The following PXDN variants were observed in gnomAD, a reference collection of about 807,000 sequenced individuals.
PXDN encodes the protein peroxidasin homolog.
PXDN carries 77 observed loss-of-function variants against 140.3 expected under a neutral mutation model. The observed-to-expected ratio is 0.55, with a 90% CI of 0.46 to 0.66. The LOEUF (loss-of-function observed/expected upper bound fraction) is 0.66, where lower values mean the gene tolerates loss of function less well. Among genes scored for constraint, PXDN ranks in the 30% least tolerant of loss-of-function variants. The pLI is 0.00. For missense variants in PXDN, 1,838 were observed against 2,039.5 expected (o/e 0.90, Z 1.90); for synonymous variants, 911 against 857.4 (o/e 1.06, Z -1.09).
At chr2:1,677,626 C>A (rs972187513) in intron 7 of PXDN, among the ~76,000 whole-genome samples, 48 of 151,154 alleles carry the variant, frequency 3.2e-4, no homozygotes, top group Non-Finnish European at 1.3e-4. Context: ...GAGGGCCACC[C>A]GAGGGCTGAC....
intron 1 of PXDN, among the ~76,000 whole-genome samples, chr2:1,709,768 CCTT>C (rs1168984267): frequency 1.3e-5 from 2 of 152,182 alleles, no homozygotes; most frequent in Non-Finnish European, 2.9e-5. Flanking sequence ...AGATTCGTGT[CCTT>C]CTAGGAAGAG....
Position 1,732,404 on chromosome 2 carries a change from T to C in PXDN, c.200+11852A>G, listed in dbSNP as rs556049864. ...AAGAGCCACCCAAATGGAGTAGGGA[T>C]CACAGGGTCACACACACACGGGGCC... is the stretch of plus-strand genomic sequence containing the variant. On this transcript the variant is annotated intron_variant, in intron 1 of 22. Transcript: ENST00000252804. Among the ~76,000 whole-genome samples the C allele has an allele frequency of 1.1e-4, 16 of 151,584 alleles. No homozygotes were observed. The East Asian group carries it at 3.1e-3, about 29-fold the overall frequency.
rs116014532 is a variant in PXDN, at chr2:1,645,525, A to G, written c.3609-773T>C. Among the ~76,000 whole-genome samples the G allele has an allele frequency of 2.7e-3, 405 of 152,308 alleles. 1 individual carries two copies. The highest frequency in any genetic ancestry group is 9.1e-3 in the African/African-American group (377 of 41,570). ...CAGTGACCACCAACTGAACCCTAGG[A>G]TCAAGACAGATTTTGTTGCTTACTG... is the stretch of plus-strand genomic sequence containing the variant. On this transcript the variant is annotated intron_variant, in intron 17 of 22. Coordinates refer to ENST00000252804, the MANE Select transcript of PXDN (RefSeq NM_012293.3).
intron 9 of PXDN, 61 bp downstream of exon 9, chr2:1,673,582 G>A: frequency 6.5e-7 from 1 of 1,541,274 alleles, no homozygotes; most frequent in Non-Finnish European, 8.8e-7. Context: ...GAAAGGAGAA[G>A]GCAGATAGTG....
chr2:1,687,800 C>A lies in PXDN; in HGVS notation c.345-97G>T. ...AAATTGACACATGGAGACAGTTTTACAATTAATGACTGTATTAGAATGCAA... is the reference window on the plus strand; with the variant it reads ...AAATTGACACATGGAGACAGTTTTAAAATTAATGACTGTATTAGAATGCAA... On this transcript the variant is annotated intron_variant, in intron 3 of 22. Coordinates refer to ENST00000252804, the MANE Select transcript of PXDN (RefSeq NM_012293.3). This position sits in a 1 kb window ranked among gnomAD's most constrained non-coding sequence, Gnocchi z 4.0. The A allele has an allele frequency of 1.1e-6, 1 of 886,790 alleles. No individual in the cohort carries two copies. The highest frequency in any genetic ancestry group is 2.1e-5 in the Admixed American group (1 of 46,760). The allele number at this position is 886,790 out of a possible 1,614,324, so 54.9% of individuals were successfully genotyped here.
intron 14 of PXDN, among the ~76,000 whole-genome samples, chr2:1,658,911 T>C (rs1488497768): frequency 6.6e-6 from 1 of 151,520 alleles, no homozygotes; most frequent in Non-Finnish European, 1.5e-5. Flanking sequence ...CTCCGGCCCA[T>C]GCCTTGCCCT....
At position 1,649,423 on chromosome 2, in the gene PXDN, A is replaced by T. The variant is rs1250875290; in HGVS notation, c.2357T>A (p.Leu786Gln). 6.2e-7 allele frequency: 1 copy of T among 1,613,836 alleles called. No homozygotes were observed. The highest frequency in any genetic ancestry group is 8.5e-7 in the Non-Finnish European group (1 of 1,179,892). Reference sequence around the variant, plus strand: ...CATGGGAAGGGCGTGCCCGTTGTACAGTCGGTGGGGGTTGATGCCCCGAGG... The same window carrying T: ...CATGGGAAGGGCGTGCCCGTTGTACTGTCGGTGGGGGTTGATGCCCCGAGG... ...NTPRGINPHR[L>Q]YNGHALPMPR... Residue 786 changes from leucine to glutamine, a missense_variant, in exon 17 of 23, where the codon CTG (leucine) becomes CAG (glutamine). Transcript: ENST00000252804. This position sits in a 1 kb window ranked among gnomAD's most constrained non-coding sequence, Gnocchi z 7.1.
intron 1 of PXDN, among the ~76,000 whole-genome samples, chr2:1,703,439 G>A (rs1463049490): frequency 6.7e-5 from 3 of 45,084 alleles, no homozygotes; most frequent in East Asian, 5.2e-4. Context: ...CAGGTGAAGC[G>A]GGGGACAACT....
chr2:1,636,061 G>A lies in PXDN; in HGVS notation c.4207-540C>T, dbSNP rs1010750827. 55 of 228,010 alleles carry A rather than the reference G, an allele frequency of 2.4e-4. No homozygotes were observed. In the East Asian group the frequency reaches 3.5e-3, roughly 15 times the overall value. 14.1% of individuals were successfully genotyped at this position (228,010 alleles called of 1,614,324 possible). ...GGGGGCAGACAGGGTGACAGTGGCCGGAAATGCCTGGGCCATGAGGTGACC... is the reference window on the plus strand; with the variant it reads ...GGGGGCAGACAGGGTGACAGTGGCCAGAAATGCCTGGGCCATGAGGTGACC... On this transcript the variant is annotated intron_variant, in intron 21 of 22. Transcript: ENST00000252804.
At position 1,637,721 on chromosome 2, in the gene PXDN, G is replaced by A. The variant is rs941854120; in HGVS notation, c.4206+1125C>T. ...TGTCCACTCTGACAGCTGCCTGGGG[G>A]ATGTACACCTGGTCTCTAGGCTGTG... On this transcript the variant is annotated intron_variant, in intron 21 of 22. Coordinates refer to ENST00000252804, the MANE Select transcript of PXDN (RefSeq NM_012293.3). 3.8e-5 allele frequency among the ~76,000 whole-genome samples: 5 copies of A among 132,206 alleles called. 1 individual carries two copies. The East Asian group carries it at 1.2e-3, about 31-fold the overall frequency. 86.7% of individuals were successfully genotyped at this position (132,206 alleles called of 152,430 possible).
intron 7 of PXDN, among the ~76,000 whole-genome samples, chr2:1,678,950 G>A (rs1558504768): frequency 6.6e-6 from 1 of 152,092 alleles, no homozygotes; most frequent in African/African-American, 2.4e-5. Context: ...AGTTCTAACT[G>A]CCCCTGACAT....
Position 1,686,688 on chromosome 2 carries a change from A to G in PXDN, c.416+944T>C, listed in dbSNP as rs372344143. Among the ~76,000 whole-genome samples the G allele has an allele frequency of 3.3e-5, 5 of 152,082 alleles. No homozygotes were observed. The East Asian group carries it at 5.8e-4, about 18-fold the overall frequency. ...TAGAGACAGACCTCCTCCCAAATCT[A>G]CCCACGCCCTGTCCACGCTCACTTG... is the stretch of plus-strand genomic sequence containing the variant. On this transcript the variant is annotated intron_variant, in intron 4 of 22. Transcript: ENST00000252804.
At position 1,714,886 on chromosome 2, in the gene PXDN, C is replaced by T. The variant is rs996368729; in HGVS notation, c.201-21752G>A. Among the ~76,000 whole-genome samples the T allele has an allele frequency of 3.9e-5, 6 of 152,146 alleles. No homozygotes were observed. Among genetic ancestry groups the T allele is most frequent in the Admixed American group, 2.0e-4 (3 of 15,282 alleles). ...TCCAGGCTCTGGGAGCCTGGCCTGG[C>T]GCCCTGTCTTGCTCACCCTGTCCCA... is the stretch of plus-strand genomic sequence containing the variant. On this transcript the variant is annotated intron_variant, in intron 1 of 22. Transcript: ENST00000252804. The surrounding 1 kb of genome is among the most constrained non-coding windows in gnomAD (Gnocchi z 4.3).
chr2:1,645,354 A>C (rs928633701), intron 17 of PXDN, among the ~76,000 whole-genome samples: 1 of 152,194 alleles, frequency 6.6e-6, no homozygotes, highest in Admixed American at 6.5e-5. Context: ...ACATGTCACA[A>C]CTTCTACTAC....
At chr2:1,741,660 A>G (rs1013444552) in intron 1 of PXDN, among the ~76,000 whole-genome samples, 3 of 152,138 alleles carry the variant, frequency 2.0e-5, no homozygotes, top group African/African-American at 7.2e-5. Context: ...GGGGACTGGG[A>G]TGGAGGTGAG....
At chr2:1,668,049 C>T (rs1287806303) in intron 9 of PXDN, among the ~76,000 whole-genome samples, 2 of 152,208 alleles carry the variant, frequency 1.3e-5, no homozygotes, top group Admixed American at 6.5e-5. Context: ...TAACTTCAAA[C>T]TATACTACAA....
chr2:1,666,485 AGC>A lies in PXDN; in HGVS notation c.1019-1_1019del. On this transcript the variant is annotated splice_acceptor_variant and coding_sequence_variant, in exon 10 of 23. Transcript: ENST00000252804. LOFTEE classifies it high-confidence loss of function. ...GTGGCTGGATTACAAAAGTGGGTCG[AGC>A]TGTCACAATTAAACAGAAATTCTCA... 1 of 1,589,256 alleles carries A rather than the reference AGC, an allele frequency of 6.3e-7. No homozygotes were observed. Among genetic ancestry groups the A allele is most frequent in the Non-Finnish European group, 8.6e-7 (1 of 1,160,640 alleles).
chr2:1,638,756 G>T, intron 21 of PXDN, 90 bp downstream of exon 21: 1 of 1,569,164 alleles, frequency 6.4e-7, no homozygotes, highest in South Asian at 1.1e-5. Flanking sequence ...CAGTTGCCTG[G>T]GAATAAAATG....
chr2:1,744,699 G>A (rs551494541), upstream of PXDN: 21 of 315,024 alleles, frequency 6.7e-5, no homozygotes, highest in South Asian at 2.9e-3. Flanking sequence ...TGGCCAAGGC[G>A]AGCGCTCGGG....
Sources: allele counts gnomAD v4.1 joint callset (sites outside exome capture counted in the v4.1 genomes callset), GRCh38; gene constraint gnomAD v4.1.1; non-coding constraint Gnocchi (gnomAD v3.1); transcripts MANE v1.5; gene names NCBI Gene and HGNC (gene_info 2026-07-23, HGNC 2026-07-21).